Variants in NOP58 observed in about 807,000 individuals in gnomAD.
NOP58 encodes the protein NOP58 ribonucleoprotein, also known as nucleolar protein 58.
NOP58 carries 44 observed loss-of-function variants against 71.2 expected under a neutral mutation model. That is an observed-to-expected ratio of 0.62 (90% CI 0.49 to 0.79). NOP58 has a LOEUF of 0.79. Ranked by LOEUF, NOP58 falls within the 30% of genes least tolerant of loss-of-function variation. The pLI, the probability that NOP58 is intolerant of heterozygous loss-of-function variation, is 0.00. For synonymous variants in NOP58, 228 were observed against 200.3 expected (o/e 1.14, Z -1.17); for missense variants, 538 against 620.2 (o/e 0.87, Z 1.41).
rs1220640900 is a variant in NOP58, at chr2:202,265,946, T to C, written c.5T>C (p.Leu2Ser). 6.2e-7 allele frequency: 1 copy of C among 1,614,210 alleles called. No individual in the cohort carries two copies. Among genetic ancestry groups the C allele is most frequent in the Non-Finnish European group, 8.5e-7 (1 of 1,180,032 alleles). M[L>S]VLFETSVGYA... ...GCGCCCTGACCCGGCCTCACCATGT[T>C]GGTGCTGTTTGAAACGTCTGTGGGT... The change falls in exon 1 of 15, where the codon TTG becomes TCG. Residue 2 changes from leucine to serine, a missense_variant. Leu to Ser is a moderately radical substitution (Grantham distance 145). Coordinates refer to ENST00000264279, the MANE Select transcript of NOP58 (RefSeq NM_015934.5).
At position 202,272,396 on chromosome 2, in the gene NOP58, C is replaced by T. The variant is rs373763958; in HGVS notation, c.46-2717C>T. Among the ~76,000 whole-genome samples, 293 of 152,068 alleles carry T rather than the reference C, an allele frequency of 1.9e-3. 1 individual carries two copies. Among genetic ancestry groups the T allele is most frequent in the African/African-American group, 6.2e-3 (257 of 41,516 alleles). Reference sequence around the variant, plus strand: ...GTCTCGATCTCCTGACCTCGTGATTCGCCCGCCTCAGCCTCCCAGAGTGCT... The same window carrying T: ...GTCTCGATCTCCTGACCTCGTGATTTGCCCGCCTCAGCCTCCCAGAGTGCT... On this transcript the variant is annotated intron_variant, in intron 1 of 14. Transcript: ENST00000264279.
intron 2 of NOP58, among the ~76,000 whole-genome samples, chr2:202,276,862 G>A (rs1688600856): frequency 6.6e-6 from 1 of 152,004 alleles, no homozygotes; most frequent in African/African-American, 2.4e-5. Flanking sequence ...AAGGGGGCCG[G>A]GCACGGTGGC....
At chr2:202,301,749 C>A (rs1333268845) in intron 13 of NOP58, among the ~76,000 whole-genome samples, 2 of 152,156 alleles carry the variant, frequency 1.3e-5, no homozygotes, top group Non-Finnish European at 2.9e-5. Flanking sequence ...CTCTACTCTA[C>A]CTGGACTATT....
chr2:202,302,838 A>G (rs909571735), intron 13 of NOP58, 83 bp from the exon 14 acceptor site: 7 of 1,502,512 alleles, frequency 4.7e-6, no homozygotes, highest in Admixed American at 2.3e-5. Context: ...ATGACAGAAA[A>G]AAACTAGGAC....
At chr2:202,284,708 T>A in intron 5 of NOP58, 1 of 449,018 alleles carries the variant, frequency 2.2e-6, no homozygotes, top group Non-Finnish European at 3.9e-6. Flanking sequence ...ATTGTCTGGA[T>A]TCTTAAAACC....
chr2:202,276,246 A>G (rs1420389248), intron 2 of NOP58, among the ~76,000 whole-genome samples: 1 of 151,884 alleles, frequency 6.6e-6, no homozygotes, highest in Non-Finnish European at 1.5e-5. Context: ...AAGCTGAGGC[A>G]GGAAAATCCC....
At chr2:202,301,470 A>C (rs1439556658) in intron 13 of NOP58, among the ~76,000 whole-genome samples, 3 of 152,186 alleles carry the variant, frequency 2.0e-5, no homozygotes, top group Non-Finnish European at 4.4e-5. Flanking sequence ...GGCATGAGCC[A>C]CCACGCCCAG....
chr2:202,272,808 G>T (rs1688531558), intron 1 of NOP58, among the ~76,000 whole-genome samples: 1 of 152,156 alleles, frequency 6.6e-6, no homozygotes, highest in African/African-American at 2.4e-5. Flanking sequence ...TATATTTGAA[G>T]ATAACATTTG....
intron 1 of NOP58, among the ~76,000 whole-genome samples, chr2:202,266,410 TGCCTTG>T (rs1017418578): frequency 6.6e-6 from 1 of 152,104 alleles, no homozygotes; most frequent in Non-Finnish European, 1.5e-5. Context: ...GCGATTCTCC[TGCCTTG>T]GCCTCCCGAG....
intron 10 of NOP58, among the ~76,000 whole-genome samples, chr2:202,296,289 T>C (rs1574388574): frequency 6.6e-6 from 1 of 152,034 alleles, no homozygotes; most frequent in African/African-American, 2.4e-5. Context: ...TCCAGCTCCC[T>C]GGTTCAAACG....
At chr2:202,300,490 T>C in intron 13 of NOP58, 123 bp downstream of exon 13, 1 of 716,080 alleles carries the variant, frequency 1.4e-6, no homozygotes, top group Non-Finnish European at 2.3e-6. Flanking sequence ...ACGCTAATGG[T>C]GTTTTAATAA....
chr2:202,292,233 C>A (rs904103932), intron 8 of NOP58, among the ~76,000 whole-genome samples: 29 of 150,454 alleles, frequency 1.9e-4, no homozygotes, highest in Non-Finnish European at 3.0e-4. Context: ...ACCTCATGAT[C>A]CACCTGCCTC....
intron 1 of NOP58, among the ~76,000 whole-genome samples, chr2:202,269,841 G>C (rs922810493): frequency 6.6e-6 from 1 of 152,238 alleles, no homozygotes; most frequent in Non-Finnish European, 1.5e-5. Context: ...ACTTCCTTCA[G>C]CTGCTCTTCC....
In NOP58 at chr2:202,303,469, C is replaced by A. The variant is rs1468975773; in HGVS notation, c.*33C>A. 6.3e-7 allele frequency: 1 copy of A among 1,591,414 alleles called. No individual in the cohort carries two copies. The highest frequency in any genetic ancestry group is 1.8e-5 in the Admixed American group (1 of 56,034). On this transcript the variant is annotated 3_prime_UTR_variant, in exon 15 of 15. Coordinates refer to ENST00000264279, the MANE Select transcript of NOP58 (RefSeq NM_015934.5). The stretch of plus-strand genomic sequence containing the variant: ...GAATTACGATTATATCACCCGGACA[C>A]ACATCATGCTTAAGATTCAACTGGG...
At chr2:202,286,441 C>T (rs1688787623) in intron 5 of NOP58, among the ~76,000 whole-genome samples, 1 of 151,906 alleles carries the variant, frequency 6.6e-6, no homozygotes, top group African/African-American at 2.4e-5. Context: ...GGAGGTGGAG[C>T]TTGCAGTGAG....
intron 1 of NOP58, among the ~76,000 whole-genome samples, chr2:202,268,700 C>T (rs1387315663): frequency 6.6e-6 from 1 of 150,828 alleles, no homozygotes; most frequent in African/African-American, 2.4e-5. Context: ...CAACCTCTGC[C>T]TCCCAGGATC....
intron 1 of NOP58, among the ~76,000 whole-genome samples, chr2:202,269,089 A>G (rs192298859): frequency 2.6e-4 from 39 of 152,146 alleles, no homozygotes; most frequent in African/African-American, 8.9e-4. Context: ...TCCTGGGTCA[A>G]GTGATCCTCC....
chr2:202,292,431 G>A (rs1688918566), intron 8 of NOP58, among the ~76,000 whole-genome samples: 1 of 151,288 alleles, frequency 6.6e-6, no homozygotes, highest in Admixed American at 6.6e-5. Context: ...GAGGTCAAGA[G>A]ATAGAGACCA....
At position 202,273,438 on chromosome 2, in the gene NOP58, A is replaced by G. The variant is rs368053065; in HGVS notation, c.46-1675A>G. Among the ~76,000 whole-genome samples the G allele has an allele frequency of 7.9e-5, 12 of 152,340 alleles. No homozygotes were observed. The East Asian group carries it at 1.3e-3, about 17-fold the overall frequency. On this transcript the variant is annotated intron_variant, in intron 1 of 14. Coordinates refer to ENST00000264279, the MANE Select transcript of NOP58 (RefSeq NM_015934.5). The stretch of plus-strand genomic sequence containing the variant: ...TAATCATTTCTTTTCAGCCAGGGTA[A>G]TGATAAATATTTGTATACAGAAATC...
Sources: allele counts gnomAD v4.1 joint callset (sites outside exome capture counted in the v4.1 genomes callset), GRCh38; gene constraint gnomAD v4.1.1; transcripts MANE v1.5; gene names NCBI Gene and HGNC (gene_info 2026-07-23, HGNC 2026-07-21).